UHRF1: variants seen among roughly 807,000 people sequenced by gnomAD.
UHRF1 encodes ubiquitin like with PHD and ring finger domains 1, also known as E3 ubiquitin-protein ligase UHRF1.
A neutral mutation model predicts 96.5 loss-of-function variants in UHRF1; 9 were observed. The observed-to-expected ratio is 0.09, with a 90% CI of 0.06 to 0.16. UHRF1 has a LOEUF of 0.16. Among genes scored for constraint, UHRF1 ranks in the 10% least tolerant of loss-of-function variants. The pLI is 1.00. For synonymous variants in UHRF1, 455 were observed against 469.9 expected, an observed-to-expected ratio of 0.97 and a Z score of 0.41; for missense variants, 626 against 1,131.1, an observed-to-expected ratio of 0.55 and a Z score of 6.40.
intron 7 of UHRF1, among the ~76,000 whole-genome samples, chr19:4,942,470 G>A (rs1448847845): frequency 1.3e-5 from 2 of 151,742 alleles, no homozygotes; most frequent in African/African-American, 4.8e-5. Context: ...GATTATAGGC[G>A]TGAGCCACCT....
intron 2 of UHRF1, among the ~76,000 whole-genome samples, chr19:4,922,024 C>T (rs566537625): frequency 4.6e-5 from 7 of 152,268 alleles, no homozygotes; most frequent in South Asian, 4.1e-4. Context: ...GGTGAGATTT[C>T]GGCTCACTGC....
chr19:4,913,936 C>T (rs142087297), intron 2 of UHRF1, among the ~76,000 whole-genome samples: 5 of 151,812 alleles, frequency 3.3e-5, no homozygotes, highest in East Asian at 1.9e-4. Flanking sequence ...CTCAGCCTCC[C>T]GAGTAGCTGG....
chr19:4,948,193 C>T (rs879571034), intron 11 of UHRF1, among the ~76,000 whole-genome samples: 9 of 151,376 alleles, frequency 5.9e-5, no homozygotes, highest in African/African-American at 1.2e-4. Context: ...GCTCTTGTGT[C>T]GTAGCACAAA....
intron 2 of UHRF1, among the ~76,000 whole-genome samples, chr19:4,915,587 T>C (rs763104578): frequency 1.3e-5 from 2 of 151,954 alleles, no homozygotes; most frequent in Non-Finnish European, 1.5e-5. Flanking sequence ...GTGGCGCATG[T>C]CTGTAGTTCC....
chr19:4,916,245 G>A (rs1159128281), intron 2 of UHRF1, among the ~76,000 whole-genome samples: 2 of 151,780 alleles, frequency 1.3e-5, no homozygotes, highest in Non-Finnish European at 2.9e-5. Flanking sequence ...GGTTGAGGCT[G>A]CAGTGAACCA....
At chr19:4,932,001 G>T (rs967163604) in intron 4 of UHRF1, among the ~76,000 whole-genome samples, 1 of 151,920 alleles carries the variant, frequency 6.6e-6, no homozygotes, top group Non-Finnish European at 1.5e-5. Flanking sequence ...GCGCGATCTC[G>T]GCTCACCGCA....
intron 15 of UHRF1, among the ~76,000 whole-genome samples, chr19:4,955,269 C>T (rs1340690584): frequency 2.6e-5 from 4 of 152,110 alleles, no homozygotes; most frequent in Non-Finnish European, 1.5e-5. Flanking sequence ...GGGCTGGGCC[C>T]TCCTGGGGGC....
At chr19:4,922,319 G>A (rs1028752195) in intron 2 of UHRF1, among the ~76,000 whole-genome samples, 2 of 152,128 alleles carry the variant, frequency 1.3e-5, no homozygotes, top group African/African-American at 4.8e-5. Flanking sequence ...GGACTGGAGT[G>A]CAGTGGTGTG....
rs114514106 is a variant in UHRF1 at position 4,931,216 on chromosome 19, T to A, written c.569+340T>A. On this transcript the variant is annotated intron_variant, in intron 4 of 16. Coordinates refer to ENST00000650932, the MANE Select transcript of UHRF1 (RefSeq NM_001048201.3). ...AGTCTCCAGTCTTTGCACAAGTGTT[T>A]ACTGGGCACTTCCTACCTGCCAAGT... 5.2e-4 allele frequency among the ~76,000 whole-genome samples: 79 copies of A among 152,322 alleles called. 1 individual carries two copies. The highest frequency in any genetic ancestry group is 1.7e-3 in the African/African-American group (69 of 41,584).
intron 7 of UHRF1, among the ~76,000 whole-genome samples, chr19:4,942,489 C>G (rs963588637): frequency 2.6e-5 from 4 of 151,984 alleles, no homozygotes; most frequent in African/African-American, 9.7e-5. Flanking sequence ...CTCGCCCAGC[C>G]TTGAGACGGA....
At chr19:4,935,752 T>A (rs772261188) in intron 5 of UHRF1, among the ~76,000 whole-genome samples, 16 of 152,060 alleles carry the variant, frequency 1.1e-4, no homozygotes, top group Non-Finnish European at 2.1e-4. Context: ...CTGTATTTTA[T>A]GGGTTAGGTT....
intron 2 of UHRF1, among the ~76,000 whole-genome samples, chr19:4,913,557 G>C (rs539179708): frequency 1.2e-4 from 18 of 151,954 alleles, no homozygotes; most frequent in Non-Finnish European, 2.5e-4. Context: ...ACCCAGCCAC[G>C]TACATTGTGC....
intron 4 of UHRF1, among the ~76,000 whole-genome samples, 178 bp downstream of exon 4, chr19:4,931,054 C>G (rs910948971): frequency 6.6e-6 from 1 of 152,140 alleles, no homozygotes; most frequent in Non-Finnish European, 1.5e-5. Flanking sequence ...CCTGGGGACC[C>G]GAAGCCGGCT....
intron 5 of UHRF1, among the ~76,000 whole-genome samples, chr19:4,940,380 T>G (rs2032207942): frequency 6.8e-6 from 1 of 146,594 alleles, no homozygotes; most frequent in Admixed American, 6.9e-5. Flanking sequence ...TTTTTTTTTT[T>G]TTTGAGATGG....
chr19:4,940,215 T>C (rs906806817), intron 5 of UHRF1, among the ~76,000 whole-genome samples: 3 of 152,188 alleles, frequency 2.0e-5, no homozygotes, highest in South Asian at 2.1e-4. Flanking sequence ...AAATTTAGAA[T>C]TACATACACA....
chr19:4,938,268 T>C (rs556283806), intron 5 of UHRF1, among the ~76,000 whole-genome samples: 175 of 152,198 alleles, frequency 1.1e-3, no homozygotes, highest in African/African-American at 4.2e-3. Flanking sequence ...GTCTGGACTA[T>C]CTGTTTCATC....
intron 5 of UHRF1, among the ~76,000 whole-genome samples, 171 bp downstream of exon 5, chr19:4,933,127 C>A (rs997421433): frequency 6.6e-6 from 1 of 152,232 alleles, no homozygotes; most frequent in African/African-American, 2.4e-5. Flanking sequence ...TGCTGAGCAT[C>A]TTTCTAAGAC....
chr19:4,911,447 T>G (rs1004264103), intron 2 of UHRF1, among the ~76,000 whole-genome samples: 1 of 152,160 alleles, frequency 6.6e-6, no homozygotes, highest in African/African-American at 2.4e-5. Context: ...CACCACCAAT[T>G]GCTCTCAGCC....
chr19:4,951,455 T>C (rs1294884175), intron 13 of UHRF1, among the ~76,000 whole-genome samples: 1 of 152,042 alleles, frequency 6.6e-6, no homozygotes, highest in African/African-American at 2.4e-5. Context: ...GGCCCATGCT[T>C]CCCTGGTTTC....
Sources: gnomAD v4.1 joint callset for allele counts (sites outside exome capture counted in the v4.1 genomes callset) on GRCh38, gnomAD v4.1.1 for gene constraint, MANE v1.5 for transcripts, NCBI Gene and HGNC (gene_info 2026-07-23, HGNC 2026-07-21) for gene names.